Variants in PDE1A observed in about 807,000 individuals in gnomAD.
PDE1A encodes dual specificity calcium/calmodulin-dependent 3',5'-cyclic nucleotide phosphodiesterase 1A.
PDE1A carries 35 observed loss-of-function variants against 61.7 expected under a neutral mutation model. The observed-to-expected ratio is 0.57, with a 90% CI of 0.43 to 0.75. The LOEUF (loss-of-function observed/expected upper bound fraction) is 0.75, where lower values mean the gene tolerates loss of function less well. Ranked by LOEUF, PDE1A falls within the 30% of genes least tolerant of loss-of-function variation. The probability of loss-of-function intolerance (pLI) is 0.00; values close to 1 mark genes in which losing one functional copy is unlikely to be tolerated. For synonymous variants in PDE1A, 232 were observed against 213.2 expected, an observed-to-expected ratio of 1.09 and a Z score of -0.77; for missense variants, 597 against 630.6, an observed-to-expected ratio of 0.95 and a Z score of 0.57.
exon 2 of PDE1A, chr2:182,522,323 A>G (rs1305234506): frequency 1.2e-6 from 2 of 1,613,726 alleles, no homozygotes; most frequent in Middle Eastern, 1.7e-4. Flanking sequence ...CTCCTGTAAG[A>G]TACTTAAAAG....
At chr2:182,664,681 C>T in the PDE1A span, among the ~76,000 whole-genome samples, 1 of 152,108 alleles carries the variant, frequency 6.6e-6, no homozygotes, top group Non-Finnish European at 1.5e-5. Context: ...CACCATTGCC[C>T]ATCTAAATAA....
At chr2:182,266,770 G>A (rs759351288) in intron 1 of PDE1A, among the ~76,000 whole-genome samples, 6 of 152,056 alleles carry the variant, frequency 3.9e-5, no homozygotes, top group East Asian at 1.9e-4. Context: ...GGAATGCAGC[G>A]GAACTCTCTA....
intron 2 of PDE1A, among the ~76,000 whole-genome samples, chr2:182,242,435 A>G (rs1357834498): frequency 6.6e-6 from 1 of 152,214 alleles, no homozygotes; most frequent in Non-Finnish European, 1.5e-5. Flanking sequence ...AGGGAAGAGC[A>G]TGGAATATGC....
At chr2:182,499,648 A>T (rs1042986355) in intron 2 of PDE1A, among the ~76,000 whole-genome samples, 2 of 152,246 alleles carry the variant, frequency 1.3e-5, no homozygotes, top group Non-Finnish European at 2.9e-5. Context: ...AGCAATACCG[A>T]GAGTTAAAAG....
intron 7 of PDE1A, among the ~76,000 whole-genome samples, chr2:182,212,202 A>ATATT (rs77480380): frequency 0.42 from 63,021 of 150,452 alleles, 13,664 homozygotes; most frequent in East Asian, 0.63. Context: ...AAAATTATAT[A>ATATT]TATTACGTAC....
chr2:182,535,695 A>G, the PDE1A span, among the ~76,000 whole-genome samples: 1 of 152,062 alleles, frequency 6.6e-6, no homozygotes, highest in African/African-American at 2.4e-5. Context: ...CAACCATTCT[A>G]CTAACTGTGA....
At chr2:182,428,819 C>CA (rs1016181690), upstream of PDE1A, among the ~76,000 whole-genome samples, 10 of 152,082 alleles carry the variant, frequency 6.6e-5, no homozygotes, top group Non-Finnish European at 1.2e-4. Context: ...ATAAGCCCAT[C>CA]AACTTTTAAA....
intron 10 of PDE1A, among the ~76,000 whole-genome samples, chr2:182,200,702 G>C (rs1401183453): frequency 6.6e-6 from 1 of 152,218 alleles, no homozygotes; most frequent in African/African-American, 2.4e-5. Flanking sequence ...AGGGTTGTGG[G>C]AACCACTGAA....
chr2:182,563,216 C>T, the PDE1A span, among the ~76,000 whole-genome samples: 1 of 152,112 alleles, frequency 6.6e-6, no homozygotes, highest in Non-Finnish European at 1.5e-5. Flanking sequence ...TCCCTCTACA[C>T]ACTGCTTTAA....
the PDE1A span, among the ~76,000 whole-genome samples, chr2:182,710,940 C>G: frequency 6.6e-6 from 1 of 152,202 alleles, no homozygotes; most frequent in Non-Finnish European, 1.5e-5. Context: ...TTTCCTCTAT[C>G]TTTTGTTGCT....
At chr2:182,432,461 AT>A (rs1704004579) in intron 2 of PDE1A, among the ~76,000 whole-genome samples, 1 of 151,176 alleles carries the variant, frequency 6.6e-6, no homozygotes, top group Admixed American at 6.6e-5. Flanking sequence ...TGTTGTTGTT[AT>A]TTTCCTTATA....
chr2:182,142,218 T>C (rs1690261077), downstream of PDE1A: 1 of 151,946 alleles, frequency 6.6e-6, no homozygotes, highest in Non-Finnish European at 1.5e-5. Flanking sequence ...GGGATAAACA[T>C]CCCGCTGGCA....
the PDE1A span, among the ~76,000 whole-genome samples, chr2:182,629,077 C>T: frequency 1.3e-5 from 2 of 152,162 alleles, no homozygotes; most frequent in African/African-American, 4.8e-5. Flanking sequence ...GTCTCTGAGA[C>T]ATAAGGGTGG....
chr2:182,472,370 T>C (rs528130026), intron 2 of PDE1A, among the ~76,000 whole-genome samples: 161 of 152,052 alleles, frequency 1.1e-3, no homozygotes, highest in African/African-American at 3.6e-3. Flanking sequence ...TGAAATACTA[T>C]TCAGCCACAA....
intron 8 of PDE1A, among the ~76,000 whole-genome samples, chr2:182,203,242 C>G (rs1443921089): frequency 6.6e-6 from 1 of 152,092 alleles, no homozygotes; most frequent in African/African-American, 2.4e-5. Context: ...ATGTCATGAA[C>G]TCAGGAGACA....
Position 182,336,816 on chromosome 2 carries a change from C to G in PDE1A, c.54-72402G>C, listed in dbSNP as rs533422040. On this transcript the variant is annotated intron_variant, in intron 1 of 13. Coordinates refer to ENST00000351439, the Ensembl canonical transcript of PDE1A. ...GTTGAACAATGAGAACACATGGACA[C>G]AGAGAGGGGAACAACACACAACAGG... is the stretch of plus-strand genomic sequence containing the variant. Among the ~76,000 whole-genome samples, 183 of 151,214 alleles carry G rather than the reference C, an allele frequency of 1.2e-3. 1 individual carries two copies. The highest frequency in any genetic ancestry group is 4.1e-3 in the African/African-American group (170 of 41,118).
chr2:182,374,034 C>G (rs1237143556), intron 1 of PDE1A, among the ~76,000 whole-genome samples: 1 of 152,000 alleles, frequency 6.6e-6, no homozygotes, highest in African/African-American at 2.4e-5. Context: ...AAATTTTTAC[C>G]AAGTATTTGG....
chr2:182,685,963 T>C, the PDE1A span, among the ~76,000 whole-genome samples: 2 of 152,208 alleles, frequency 1.3e-5, no homozygotes, highest in Non-Finnish European at 2.9e-5. Flanking sequence ...TTAATCATCA[T>C]ATATCATATA....
At chr2:182,196,310 G>A (rs908311246) in intron 10 of PDE1A, among the ~76,000 whole-genome samples, 11 of 151,878 alleles carry the variant, frequency 7.2e-5, no homozygotes, top group Admixed American at 5.9e-4. Flanking sequence ...TCATGATCCT[G>A]TCAGGTATTC....
Sources: gnomAD v4.1 joint callset for allele counts (sites outside exome capture counted in the v4.1 genomes callset) on GRCh38, gnomAD v4.1.1 for gene constraint, MANE v1.5 for transcripts, NCBI Gene and HGNC (gene_info 2026-07-23, HGNC 2026-07-21) for gene names.